Variants in ATG4B observed in about 807,000 individuals in gnomAD.
ATG4B encodes autophagy related 4B cysteine peptidase, also known as cysteine protease ATG4B.
In ATG4B, 29 loss-of-function variants were observed where a neutral mutation model predicts 56.6. That is an observed-to-expected ratio of 0.51 (90% CI 0.38 to 0.70). The LOEUF (loss-of-function observed/expected upper bound fraction) is 0.70. Among genes scored for constraint, ATG4B ranks in the 30% least tolerant of loss-of-function variants. The probability of loss-of-function intolerance (pLI) is 0.00; values close to 1 mark genes in which losing one functional copy is unlikely to be tolerated. For synonymous variants in ATG4B, 224 were observed against 206.1 expected, an observed-to-expected ratio of 1.09 and a Z score of -0.74; for missense variants, 461 against 515.5, an observed-to-expected ratio of 0.89 and a Z score of 1.02.
intron 7 of ATG4B, among the ~76,000 whole-genome samples, chr2:241,664,907 T>C (rs549663872): frequency 1.4e-3 from 213 of 152,262 alleles, no homozygotes; most frequent in Non-Finnish European, 2.4e-3. Flanking sequence ...GAGGTTGCAG[T>C]GAACCGAGAT....
intron 1 of ATG4B, among the ~76,000 whole-genome samples, chr2:241,645,461 T>A (rs34441975): frequency 0.16 from 23,961 of 152,148 alleles, 2,165 homozygotes; most frequent in Middle Eastern, 0.28. Flanking sequence ...ATACCTCCCA[T>A]CCATGCCGGT....
intron 10 of ATG4B, among the ~76,000 whole-genome samples, chr2:241,670,367 G>A (rs1408908429): frequency 2.6e-5 from 4 of 152,066 alleles, no homozygotes; most frequent in Admixed American, 1.3e-4. Flanking sequence ...GAGACCCAGC[G>A]GCCCTGCCTC....
At chr2:241,653,273 G>C (rs1403887531) in intron 3 of ATG4B, 6 of 1,452,882 alleles carry the variant, frequency 4.1e-6, no homozygotes. Flanking sequence ...TTTGCTCCGT[G>C]ACTGACTTGT....
In ATG4B at chr2:241,668,814, G is replaced by A. The variant is rs1575091252; in HGVS notation, c.957+129G>A. 7.2e-7 allele frequency: 1 copy of A among 1,382,074 alleles called. No individual in the cohort carries two copies. Among genetic ancestry groups the A allele is most frequent in the Admixed American group, 2.5e-5 (1 of 39,592 alleles). 85.6% of individuals were successfully genotyped at this position (1,382,074 alleles called of 1,614,324 possible). ...GGATAAGTACTGTGTTCACGTGGTT[G>A]GGAATCTGAAGGGTATAAGAGCCGG... On this transcript the variant is annotated intron_variant, in intron 10 of 12. Coordinates refer to ENST00000404914, the MANE Select transcript of ATG4B (RefSeq NM_013325.5). The surrounding 1 kb of genome is among the most constrained non-coding windows in gnomAD (Gnocchi z 4.2).
chr2:241,654,752 G>A (rs2068342481), intron 5 of ATG4B, 105 bp downstream of exon 5: 3 of 911,124 alleles, frequency 3.3e-6, no homozygotes, highest in Non-Finnish European at 3.5e-6. Flanking sequence ...TGTGGAGCAG[G>A]AGGCTGTAAA....
chr2:241,649,984 A>G (rs1462828621), intron 1 of ATG4B, among the ~76,000 whole-genome samples: 1 of 151,908 alleles, frequency 6.6e-6, no homozygotes, highest in Non-Finnish European at 1.5e-5. Context: ...GAGTTTCACC[A>G]TGTTGACCAG....
rs951642790 is a variant in ATG4B, at chr2:241,672,315, C to T, written c.*51C>T. 28 of 1,479,668 alleles carry T rather than the reference C, an allele frequency of 1.9e-5. No individual in the cohort carries two copies. The Middle Eastern group carries it at 8.9e-4, about 47-fold the overall frequency. 91.7% of individuals were successfully genotyped at this position (1,479,668 alleles called of 1,614,324 possible). ...TGTGAGAGCCTGGGGCTCCTGGTGC[C>T]GCTGCGTTTCATCCATCCCGCCCGC... is the stretch of plus-strand genomic sequence containing the variant. On this transcript the variant is annotated 3_prime_UTR_variant, in exon 13 of 13. Transcript: ENST00000404914.
rs1482513383 is a variant in ATG4B, at chr2:241,638,800, G to A, written c.10+1076G>A. 6.6e-5 allele frequency among the ~76,000 whole-genome samples: 10 copies of A among 152,354 alleles called. No homozygotes were observed. The South Asian group carries it at 2.1e-3, about 32-fold the overall frequency. The stretch of plus-strand genomic sequence containing the variant: ...TCCCTAAGGAGCATGTTGACCAGGT[G>A]TATATCTTGTGAAGTTTGTCTTTTA... On this transcript the variant is annotated intron_variant, in intron 1 of 12. Coordinates refer to ENST00000404914, the MANE Select transcript of ATG4B (RefSeq NM_013325.5).
At chr2:241,664,848 C>T (rs1349496158) in intron 7 of ATG4B, among the ~76,000 whole-genome samples, 1 of 152,150 alleles carries the variant, frequency 6.6e-6, no homozygotes, top group African/African-American at 2.4e-5. Flanking sequence ...CCTGTAATCC[C>T]AGCTACTGGG....
intron 7 of ATG4B, among the ~76,000 whole-genome samples, chr2:241,664,382 A>C (rs942773013): frequency 2.6e-5 from 4 of 151,970 alleles, no homozygotes; most frequent in African/African-American, 9.7e-5. Flanking sequence ...AAAACAAAAC[A>C]AAAAAACTAG....
chr2:241,646,163 T>G (rs1415181424), intron 1 of ATG4B, among the ~76,000 whole-genome samples: 2 of 152,210 alleles, frequency 1.3e-5, no homozygotes, highest in Non-Finnish European at 2.9e-5. Flanking sequence ...CTTCCTTGCC[T>G]ATAAAGTTTG....
chr2:241,666,982 C>CCACTCACCCCTTGGG, intron 8 of ATG4B, 144 bp downstream of exon 8: 2 of 980,504 alleles, frequency 2.0e-6, no homozygotes, highest in Non-Finnish European at 3.0e-6. Context: ...ACACCGTTGC[C>CCACTCACCCCTTGGG]CAAGGGGTGA....
intron 6 of ATG4B, among the ~76,000 whole-genome samples, chr2:241,656,442 C>A (rs763133295): frequency 1.4e-4 from 21 of 152,240 alleles, no homozygotes; most frequent in African/African-American, 4.3e-4. Context: ...CCCCAGCCCC[C>A]ACCACACCCT....
At chr2:241,647,794 A>C (rs962092335) in intron 1 of ATG4B, among the ~76,000 whole-genome samples, 3 of 152,090 alleles carry the variant, frequency 2.0e-5, no homozygotes, top group African/African-American at 7.2e-5. Context: ...TAGCAGGGAC[A>C]TCATGATGTT....
In ATG4B at chr2:241,642,871, C is replaced by CTTTTTTTTTTTTTT. The variant is rs1321613822; in HGVS notation, c.10+5147_10+5148insTTTTTTTTTTTTTT. On this transcript the variant is annotated intron_variant, in intron 1 of 12. Transcript: ENST00000404914. ...CTTAAGGTGTACAGCACCTCTCCGT[C>CTTTTTTTTTTTTTT]CTTTTTTTTTTTTTTTTTTTTTTTT... 1.2e-4 allele frequency among the ~76,000 whole-genome samples: 12 copies of CTTTTTTTTTTTTTT among 98,428 alleles called. 4 individuals carry two copies. In the East Asian group the frequency reaches 1.9e-3, roughly 15 times the overall value. The allele number at this position is 98,428 out of a possible 152,430, so 64.6% of individuals were successfully genotyped here. A position where few individuals can be genotyped will look rare whatever the true frequency, so the allele number is the denominator to read the frequency against.
chr2:241,671,618 C>T, intron 12 of ATG4B: 1 of 1,489,680 alleles, frequency 6.7e-7, no homozygotes, highest in Non-Finnish European at 9.0e-7. Flanking sequence ...TCGTCTTCCC[C>T]ACCAGCGCTG....
In ATG4B at chr2:241,651,369, A is replaced by T. The variant is rs1191127088; in HGVS notation, c.184+34A>T. On this transcript the variant is annotated intron_variant, in intron 3 of 12. Transcript: ENST00000404914. The surrounding 1 kb of genome is among the most constrained non-coding windows in gnomAD (Gnocchi z 4.1). ...TCTGTTTTATTACAACGCGGGACAA[A>T]ATATGTTTTTAGGAAGGAGGAAAAC... is the stretch of plus-strand genomic sequence containing the variant. 1 of 1,499,576 alleles carries T rather than the reference A, an allele frequency of 6.7e-7. No homozygotes were observed. Among genetic ancestry groups the T allele is most frequent in the Non-Finnish European group, 9.1e-7 (1 of 1,104,450 alleles). The allele number at this position is 1,499,576 out of a possible 1,614,324, so 92.9% of individuals were successfully genotyped here.
chr2:241,643,977 A>T (rs2067988634), intron 1 of ATG4B, among the ~76,000 whole-genome samples: 1 of 152,222 alleles, frequency 6.6e-6, no homozygotes, highest in African/African-American at 2.4e-5. Flanking sequence ...GGGCTATGAA[A>T]TAAGACAAGG....
chr2:241,651,900 T>A lies in ATG4B; in HGVS notation c.184+565T>A. 7.7e-7 allele frequency: 1 copy of A among 1,304,130 alleles called. No individual in the cohort carries two copies. The highest frequency in any genetic ancestry group is 1.5e-5 in the African/African-American group (1 of 66,002). The allele number at this position is 1,304,130 out of a possible 1,614,324, so 80.8% of individuals were successfully genotyped here. On this transcript the variant is annotated intron_variant, in intron 3 of 12. Transcript: ENST00000404914. The surrounding 1 kb of genome is among the most constrained non-coding windows in gnomAD (Gnocchi z 4.1). ...TGTTAAAAGCCATTCATCATTGTTG[T>A]ATACCCTGGAGCTGGAAGGAGATGG...
Sources: allele counts gnomAD v4.1 joint callset (sites outside exome capture counted in the v4.1 genomes callset), GRCh38; gene constraint gnomAD v4.1.1; non-coding constraint Gnocchi (gnomAD v3.1); transcripts MANE v1.5; gene names NCBI Gene and HGNC (gene_info 2026-07-23, HGNC 2026-07-21).